Variants in PABPN1L observed in about 807,000 individuals in gnomAD.
The protein encoded by PABPN1L is PABPN1 like, cytoplasmic.
In PABPN1L, 45 loss-of-function variants were observed where a neutral mutation model predicts 34.0. The ratio of observed to expected loss-of-function variants is 1.32; its 90% confidence interval spans 1.04 to 1.70. The LOEUF is 1.70. Ranked by LOEUF, PABPN1L falls within the 40% of genes most tolerant of loss-of-function variation. The pLI is 0.00. For synonymous variants in PABPN1L, 182 were observed against 152.1 expected, an observed-to-expected ratio of 1.20 and a Z score of -1.45; for missense variants, 459 against 367.8, an observed-to-expected ratio of 1.25 and a Z score of -2.03.
exon 7 of PABPN1L, chr16:88,863,640 A>ACCCCTCTCCTCTGGCCT (rs1251098078): frequency 6.2e-6 from 8 of 1,293,426 alleles, no homozygotes; most frequent in Non-Finnish European, 8.6e-6. Context: ...TGCTCTGGAC[A>ACCCCTCTCCTCTGGCCT]CCCCTCTCCT....
chr16:88,868,361 G>C (rs1968640188), upstream of PABPN1L, among the ~76,000 whole-genome samples: 1 of 152,180 alleles, frequency 6.6e-6, no homozygotes, highest in South Asian at 2.1e-4. Context: ...CCAGCAGTCT[G>C]GGAGGCCGAG....
chr16:88,866,535 G>A (rs1200734785), exon 1 of PABPN1L: 3 of 1,551,290 alleles, frequency 1.9e-6, no homozygotes, highest in Admixed American at 3.9e-5. Context: ...GGGCCTCAGG[G>A]TCTGAGGAGA....
At position 88,865,130 on chromosome 16, in the gene PABPN1L, T is replaced by G. The variant is rs1332343797; in HGVS notation, c.460-2A>C. 1 of 1,565,590 alleles carries G rather than the reference T, an allele frequency of 6.4e-7. No individual in the cohort carries two copies. The highest frequency in any genetic ancestry group is 1.4e-5 in the African/African-American group (1 of 73,464). ...CTCGGCGGAGCCCCCGTAGTCCACCTGCACCCAGGCCCAGACCAGCATGTG... is the reference window on the plus strand; with the variant it reads ...CTCGGCGGAGCCCCCGTAGTCCACCGGCACCCAGGCCCAGACCAGCATGTG... On this transcript the variant is annotated splice_acceptor_variant, in intron 3 of 6. Transcript: ENST00000419291. LOFTEE classifies it high-confidence loss of function.
chr16:88,869,027 T>C (rs1330113288), upstream of PABPN1L, among the ~76,000 whole-genome samples: 3 of 152,194 alleles, frequency 2.0e-5, no homozygotes, highest in Non-Finnish European at 4.4e-5. Flanking sequence ...GGAATTTCCC[T>C]GTAAGCGCGA....
exon 1 of PABPN1L, chr16:88,866,396 G>C (rs1330546028): frequency 5.2e-6 from 8 of 1,550,984 alleles, no homozygotes; most frequent in African/African-American, 1.4e-5. Context: ...TGCTCCAGCA[G>C]AGACAGCAGA....
intron 6 of PABPN1L, among the ~76,000 whole-genome samples, 181 bp downstream of exon 6, chr16:88,864,056 G>C (rs1348917418): frequency 7.2e-6 from 1 of 139,722 alleles, no homozygotes; most frequent in Non-Finnish European, 1.5e-5. Flanking sequence ...ACCTCTCCCA[G>C]CAGAGAGGCT....
In PABPN1L at chr16:88,864,322, G is replaced by A. The variant is rs775856976; in HGVS notation, c.712C>T (p.Arg238Ter). ...GCCCCCCTGGAGCCTGGGTGTCCTC[G>A]AAGGCCCCCGCGGTCTGTGGAGCTG... Residue 238 changes from arginine (R) to a stop codon, truncating the protein, a stop_gained, in exon 6 of 7, where the codon CGA (arginine) becomes TGA (stop). Transcript: ENST00000419291. LOFTEE classifies it high-confidence loss of function. 4.4e-5 allele frequency: 68 copies of A among 1,555,362 alleles called. No individual in the cohort carries two copies. Among genetic ancestry groups the A allele is most frequent in the Middle Eastern group, 1.7e-4 (1 of 6,010 alleles).
chr16:88,865,103 T>A (rs1240320476), exon 4 of PABPN1L: 1 of 1,583,662 alleles, frequency 6.3e-7, no homozygotes, highest in Non-Finnish European at 8.6e-7. Flanking sequence ...GGCCTCCAGC[T>A]CCTCGGCGGA....
At chr16:88,869,017 G>A (rs554866373), upstream of PABPN1L, among the ~76,000 whole-genome samples, 1 of 152,324 alleles carries the variant, frequency 6.6e-6, no homozygotes, top group African/African-American at 2.4e-5. Context: ...GGACCCACAA[G>A]GAATTTCCCT....
chr16:88,866,667 G>A (rs565467677), upstream of PABPN1L: 32 of 1,465,290 alleles, frequency 2.2e-5, no homozygotes, highest in East Asian at 9.9e-5. Flanking sequence ...CCTCGCGTCC[G>A]CACCTGCCCA....
chr16:88,864,299 C>T (rs752989511), exon 6 of PABPN1L: 2 of 1,555,180 alleles, frequency 1.3e-6, no homozygotes, highest in Non-Finnish European at 8.7e-7. Context: ...GGAAGGGTGC[C>T]CCCCTGGAGC....
chr16:88,864,352 C>T (rs1435118366), exon 6 of PABPN1L: 1 of 1,556,398 alleles, frequency 6.4e-7, no homozygotes, highest in East Asian at 2.4e-5. Flanking sequence ...GAGCTGATCC[C>T]AGGGAAGTTG....
In PABPN1L at chr16:88,864,334, G is replaced by A. The variant is rs768168928; in HGVS notation, c.700C>T (p.Arg234Cys). The change falls in exon 6 of 7, where the codon CGC (arginine) becomes TGC (cysteine). Residue 234 changes from arginine to cysteine, a missense_variant. Arg to Cys is a radical substitution (Grantham distance 180). Transcript: ENST00000419291. ...CCTGGGTGTCCTCGAAGGCCCCCGC[G>A]GTCTGTGGAGCTGATCCCAGGGAAG... The A allele has an allele frequency of 7.5e-5, 116 of 1,555,512 alleles. No homozygotes were observed. In the Middle Eastern group the frequency reaches 1.2e-3, roughly 16 times the overall value.
At chr16:88,865,184 C>G (rs1968560521) in intron 3 of PABPN1L, 56 bp from the exon 4 acceptor site, 1 of 1,525,888 alleles carries the variant, frequency 6.6e-7, no homozygotes, top group African/African-American at 1.4e-5. Context: ...GACTCGGGGC[C>G]TTCTTGTTAG....
At chr16:88,869,265 C>G (rs960186668), upstream of PABPN1L, among the ~76,000 whole-genome samples, 1 of 152,222 alleles carries the variant, frequency 6.6e-6, no homozygotes, top group Non-Finnish European at 1.5e-5. Context: ...CTCATGAGGT[C>G]GGGGAGGAAT....
intron 5 of PABPN1L, 69 bp from the exon 6 acceptor site, chr16:88,864,448 C>T: frequency 8.1e-6 from 12 of 1,486,498 alleles, no homozygotes; most frequent in Non-Finnish European, 1.1e-5. Context: ...CCCCCGCAGC[C>T]CCCACCACCC....
intron 3 of PABPN1L, 103 bp from the exon 4 acceptor site, chr16:88,865,231 CG>C (rs1473598741): frequency 1.6e-6 from 2 of 1,260,790 alleles, no homozygotes; most frequent in African/African-American, 1.5e-5. Context: ...GGCCCCGTGG[CG>C]GGGATGGCCC....
At chr16:88,864,245 C>G in exon 6 of PABPN1L, 1 of 1,559,694 alleles carries the variant, frequency 6.4e-7, no homozygotes, top group Non-Finnish European at 8.7e-7. Context: ...ACCGGTTCTG[C>G]CCTTGTGGTC....
chr16:88,866,447 CCTCCTCTTT>C (rs764405885), exon 1 of PABPN1L: 3 of 1,551,568 alleles, frequency 1.9e-6, no homozygotes, highest in Non-Finnish European at 2.6e-6. Context: ...GCATCCTCTT[CCTCCTCTTT>C]CTCCTCCTTC....
Sources: gnomAD v4.1 joint callset for allele counts (sites outside exome capture counted in the v4.1 genomes callset) on GRCh38, gnomAD v4.1.1 for gene constraint, MANE v1.5 for transcripts, NCBI Gene and HGNC (gene_info 2026-07-23, HGNC 2026-07-21) for gene names.